ZNF343: variants seen among roughly 807,000 people sequenced by gnomAD.
ZNF343 encodes zinc finger protein 343.
ZNF343 carries 11 observed loss-of-function variants against 13.8 expected under a neutral mutation model. That is an observed-to-expected ratio of 0.80 (90% CI 0.50 to 1.32). The LOEUF is 1.32. Ranked by LOEUF, ZNF343 falls within the 40% of genes most tolerant of loss-of-function variation. ZNF343 has a pLI of 0.00. For missense variants in ZNF343, 658 were observed against 714.2 expected (o/e 0.92, Z 0.90); for synonymous variants, 248 against 260.0 (o/e 0.95, Z 0.44).
chr20:2,503,185 T>C (rs2085598738), intron 1 of ZNF343, among the ~76,000 whole-genome samples: 1 of 152,054 alleles, frequency 6.6e-6, no homozygotes, highest in South Asian at 2.1e-4. Flanking sequence ...AAAACAGACT[T>C]TAAACCAACA....
chr20:2,512,682 A>C (rs537341038), upstream of ZNF343, among the ~76,000 whole-genome samples: 2 of 152,226 alleles, frequency 1.3e-5, no homozygotes, highest in Non-Finnish European at 2.9e-5. Context: ...ATAAAGATCT[A>C]AATATAAAAG....
intron 5 of ZNF343, among the ~76,000 whole-genome samples, chr20:2,488,596 C>G (rs4813514): frequency 0.24 from 36,491 of 151,944 alleles, 5,176 homozygotes; most frequent in South Asian, 0.32. Context: ...GGATAGTACC[C>G]TGTTATAGCT....
chr20:2,498,279 C>T (rs949359374), intron 2 of ZNF343, among the ~76,000 whole-genome samples: 1 of 152,150 alleles, frequency 6.6e-6, no homozygotes, highest in Non-Finnish European at 1.5e-5. Flanking sequence ...TCACTTGAAC[C>T]CAGGAGACGG....
chr20:2,490,968 G>C (rs569981583), intron 5 of ZNF343, among the ~76,000 whole-genome samples: 1 of 152,090 alleles, frequency 6.6e-6, no homozygotes, highest in African/African-American at 2.4e-5. Context: ...AAACCAGAGC[G>C]AATCAGATCA....
chr20:2,490,113 T>G lies in ZNF343; in HGVS notation c.304+2586A>C, dbSNP rs563946566. The stretch of plus-strand genomic sequence containing the variant: ...GACTGGTTTAGGAGGAAAAACAGTA[T>G]GCTCTCAAGTTTTTATAACTTTGAG... On this transcript the variant is annotated intron_variant, in intron 5 of 5. Transcript: ENST00000278772. 3.3e-5 allele frequency among the ~76,000 whole-genome samples: 5 copies of G among 152,302 alleles called. 1 individual carries two copies. The highest frequency in any genetic ancestry group is 1.2e-4 in the African/African-American group (5 of 41,572).
Position 2,518,610 on chromosome 20 carries a change from C to CT in ZNF343, c.-347+5844dup, listed in dbSNP as rs1475478488. Among the ~76,000 whole-genome samples, 1 of 152,178 alleles carries CT rather than the reference C, an allele frequency of 6.6e-6. No homozygotes were observed. Among genetic ancestry groups the CT allele is most frequent in the Non-Finnish European group, 1.5e-5 (1 of 68,030 alleles). The stretch of plus-strand genomic sequence containing the variant: ...ACTCACTCACAACCTACAACCCTCC[C>CT]TTACAGACACTACCTTCCAACATAC... On this transcript the variant is annotated intron_variant, in intron 1 of 6. Coordinates refer to the ZNF343 transcript ENST00000358413. This position sits in a 1 kb window ranked among gnomAD's most constrained non-coding sequence, Gnocchi z 4.6.
rs772437775 is a variant in ZNF343, at chr20:2,493,580, A to G, written c.119-3T>C. On this transcript the variant is annotated splice_region_variant and splice_polypyrimidine_tract_variant and intron_variant, in intron 3 of 5. Transcript: ENST00000278772. ...GTCAGTATCATTAGAAGGCAAGCCT[A>G]GGGAAAGAAAAAGAAGCTATGAGAA... The G allele has an allele frequency of 4.3e-6, 7 of 1,612,606 alleles. No homozygotes were observed. The highest frequency in any genetic ancestry group is 5.9e-6 in the Non-Finnish European group (7 of 1,179,342).
Position 2,493,988 on chromosome 20 carries a change from G to T in ZNF343, c.-93C>A. 1 of 885,802 alleles carries T rather than the reference G, an allele frequency of 1.1e-6. No individual in the cohort carries two copies. The highest frequency in any genetic ancestry group is 1.9e-6 in the Non-Finnish European group (1 of 532,750). 54.9% of individuals were successfully genotyped at this position (885,802 alleles called of 1,614,324 possible). A position where few individuals can be genotyped will look rare whatever the true frequency, so the allele number is the denominator to read the frequency against. ...TCAAGATGGAGTTCTGCTGCCTGTG[G>T]TGACTTCTTCCAACCTTAATTATAA... is the stretch of plus-strand genomic sequence containing the variant. On this transcript the variant is annotated 5_prime_UTR_variant, in exon 3 of 6. Coordinates refer to ENST00000278772, the MANE Select transcript of ZNF343 (RefSeq NM_024325.6).
chr20:2,484,594 A>G lies in ZNF343; in HGVS notation c.367T>C (p.Phe123Leu). The stretch of plus-strand genomic sequence containing the variant: ...ATCTGAAGTACATGTTGACTGAGGA[A>G]CTGCTGACAGGAGAAGGCCAGAAGG... ...SCLLAFSCQQ[F>L]LSQHVLQIFL... is the part of the protein sequence containing the mutation. Residue 123 changes from phenylalanine (F) to leucine (L), a missense_variant, in exon 6 of 6, where the codon TTC (phenylalanine) becomes CTC (leucine). By Grantham distance (22) the Phe-to-Leu change is conservative (BLOSUM62 0). Coordinates refer to ENST00000278772, the MANE Select transcript of ZNF343 (RefSeq NM_024325.6). The G allele has an allele frequency of 6.2e-7, 1 of 1,613,838 alleles. No homozygotes were observed. The highest frequency in any genetic ancestry group is 8.5e-7 in the Non-Finnish European group (1 of 1,179,852).
rs185534232 is a variant in ZNF343 at position 2,519,331 on chromosome 20, C to T, written c.-347+5124G>A. 2.7e-3 allele frequency among the ~76,000 whole-genome samples: 404 copies of T among 152,290 alleles called. 2 individuals are homozygous for T. Among genetic ancestry groups the T allele is most frequent in the African/African-American group, 8.9e-3 (369 of 41,562 alleles). The stretch of plus-strand genomic sequence containing the variant: ...ACTGACTCTCCCTCTGACCCTGTAC[C>T]TCCAGCTCACTCTCACACTCACTCT... On this transcript the variant is annotated intron_variant, in intron 1 of 6. Transcript: ENST00000358413.
At position 2,493,836 on chromosome 20, in the gene ZNF343, T is replaced by C. The variant is rs2085411892; in HGVS notation, c.60A>G (p.Pro20=). 1 of 1,613,958 alleles carries C rather than the reference T, an allele frequency of 6.2e-7. No homozygotes were observed. Among genetic ancestry groups the C allele is most frequent in the African/African-American group, 1.3e-5 (1 of 74,904 alleles). ...TAGTCTCTACATTTTCCCCATTCTT[T>C]GGAAGCAAAATCTCTTCCCAGTATT... ...GDQYWEEILL[P]KNGENVETMK... Residue 20 remains proline (P), a synonymous_variant, in exon 3 of 6, where the codon CCA becomes CCG. Transcript: ENST00000278772.
At chr20:2,488,439 G>A (rs904531411) in intron 5 of ZNF343, among the ~76,000 whole-genome samples, 2 of 151,886 alleles carry the variant, frequency 1.3e-5, no homozygotes, top group Admixed American at 1.3e-4. Flanking sequence ...ATAAGTACTT[G>A]GGTTGACTTC....
At chr20:2,506,235 C>T (rs1049027600) in intron 1 of ZNF343, among the ~76,000 whole-genome samples, 23 of 152,242 alleles carry the variant, frequency 1.5e-4, no homozygotes, top group East Asian at 1.9e-4. Context: ...CAAATCAAAA[C>T]GACAATGAGA....
intron 1 of ZNF343, among the ~76,000 whole-genome samples, chr20:2,505,115 C>A (rs1229478054): frequency 6.6e-6 from 1 of 152,156 alleles, no homozygotes; most frequent in African/African-American, 2.4e-5. Context: ...TCTCAGGATA[C>A]AAAATCAATG....
chr20:2,483,311 C>T lies in ZNF343; in HGVS notation c.1650G>A (p.Val550=), dbSNP rs758328924. ...ERTHSGEKPY[V]CSECGRGFSR... ...TAAAGCCTCGGCCACACTCACTGCA[C>T]ACGTAAGGCTTCTCTCCTGAGTGTG... Residue 550 remains valine, a synonymous_variant, in exon 6 of 6, where the codon GTG becomes GTA. Coordinates refer to ENST00000278772, the MANE Select transcript of ZNF343 (RefSeq NM_024325.6). 1.9e-6 allele frequency: 3 copies of T among 1,609,518 alleles called. No individual in the cohort carries two copies. The highest frequency in any genetic ancestry group is 2.2e-5 in the South Asian group (2 of 90,726).
At chr20:2,506,668 T>C (rs984485404) in intron 1 of ZNF343, among the ~76,000 whole-genome samples, 26 of 151,876 alleles carry the variant, frequency 1.7e-4, no homozygotes, top group African/African-American at 6.0e-4. Context: ...AGCTGGAAAA[T>C]ATCATTCTCA....
chr20:2,505,964 C>T (rs887623829), intron 1 of ZNF343, among the ~76,000 whole-genome samples: 6 of 152,146 alleles, frequency 3.9e-5, no homozygotes, highest in Non-Finnish European at 8.8e-5. Flanking sequence ...AACTAAAGAG[C>T]TTTTGCACAG....
At chr20:2,511,322 C>G (rs1358984091), upstream of ZNF343, among the ~76,000 whole-genome samples, 1 of 151,992 alleles carries the variant, frequency 6.6e-6, no homozygotes, top group African/African-American at 2.4e-5. Context: ...GTTGCCCAGG[C>G]TGATCTTAAA....
At chr20:2,506,565 A>G (rs1397896005) in intron 1 of ZNF343, among the ~76,000 whole-genome samples, 1 of 152,198 alleles carries the variant, frequency 6.6e-6, no homozygotes, top group Admixed American at 6.5e-5. Context: ...ACAATGATAG[A>G]CTGGATTAAG....
Sources: allele counts gnomAD v4.1 joint callset (sites outside exome capture counted in the v4.1 genomes callset), GRCh38; gene constraint gnomAD v4.1.1; non-coding constraint Gnocchi (gnomAD v3.1); transcripts MANE v1.5; gene names NCBI Gene and HGNC (gene_info 2026-07-23, HGNC 2026-07-21).